FOXP1: variants seen among roughly 807,000 people sequenced by gnomAD.
FOXP1 encodes forkhead box protein P1.
Under a neutral mutation model 98.2 loss-of-function variants are expected in FOXP1, and 15 were observed. The observed-to-expected ratio is 0.15, with a 90% confidence interval of 0.10 to 0.24. The LOEUF is 0.24. Among genes scored for constraint, FOXP1 ranks in the 10% least tolerant of loss-of-function variants. The pLI is 1.00. For missense variants in FOXP1, 633 were observed against 848.5 expected (o/e 0.75, Z 3.15); for synonymous variants, 371 against 314.5 (o/e 1.18, Z -1.90).
chr3:71,582,052 C>G (rs1325616009), intron 1 of FOXP1: 1 of 980,370 alleles, frequency 1.0e-6, no homozygotes, highest in African/African-American at 1.8e-5. Context: ...TCCTTATTCT[C>G]ACAGGGGGCG....
intron 5 of FOXP1, among the ~76,000 whole-genome samples, chr3:71,285,488 G>A (rs551652358): frequency 6.9e-4 from 105 of 152,250 alleles, no homozygotes; most frequent in African/African-American, 2.5e-3. Flanking sequence ...AAGGAAGAGA[G>A]TAAAGAGAAG....
chr3:70,978,171 C>T (rs1302388778), intron 14 of FOXP1, 142 bp from the exon 15 acceptor site: 1 of 718,914 alleles, frequency 1.4e-6, no homozygotes, highest in African/African-American at 1.7e-5. Context: ...TGAACCGAAA[C>T]ACACGGTGAG....
chr3:71,075,939 C>T (rs535707080), intron 7 of FOXP1, among the ~76,000 whole-genome samples: 3 of 151,968 alleles, frequency 2.0e-5, no homozygotes, highest in Non-Finnish European at 4.4e-5. Context: ...AGGCTGCTCT[C>T]GAACTCCTGG....
At chr3:71,034,026 C>T (rs2047238225) in intron 11 of FOXP1, among the ~76,000 whole-genome samples, 1 of 152,132 alleles carries the variant, frequency 6.6e-6, no homozygotes, top group Admixed American at 6.5e-5. Context: ...CAGTTAGCCA[C>T]ACCTGGTCCT....
At chr3:71,544,038 CACATATATGTGTGTATACACAT>C (rs1490407376) in intron 2 of FOXP1, among the ~76,000 whole-genome samples, 1 of 150,648 alleles carries the variant, frequency 6.6e-6, no homozygotes, top group African/African-American at 2.5e-5. Flanking sequence ...CACATATACA[CACATATATGTGTGTATACACAT>C]ACATATACAC....
intron 11 of FOXP1, among the ~76,000 whole-genome samples, chr3:71,021,223 C>A (rs1219767753): frequency 1.3e-5 from 2 of 152,212 alleles, no homozygotes; most frequent in African/African-American, 4.8e-5. Flanking sequence ...CCAGCCCTTG[C>A]CAATCCCTAA....
At chr3:71,177,466 A>C (rs763183649) in intron 6 of FOXP1, among the ~76,000 whole-genome samples, 3 of 152,202 alleles carry the variant, frequency 2.0e-5, no homozygotes, top group African/African-American at 4.8e-5. Flanking sequence ...AGAGCAGGCA[A>C]AATGGGAGAA....
chr3:71,412,330 G>T (rs1480674100), intron 3 of FOXP1, among the ~76,000 whole-genome samples: 1 of 152,132 alleles, frequency 6.6e-6, no homozygotes, highest in African/African-American at 2.4e-5. Flanking sequence ...AGACATAATG[G>T]GGTTTATAGG....
At chr3:71,206,183 C>A (rs555049606) in intron 5 of FOXP1, among the ~76,000 whole-genome samples, 1 of 152,248 alleles carries the variant, frequency 6.6e-6, no homozygotes, top group East Asian at 1.9e-4. Flanking sequence ...CACAAAATTC[C>A]AAGGCCAACC....
At chr3:71,106,233 G>C (rs2057412367) in intron 7 of FOXP1, among the ~76,000 whole-genome samples, 1 of 152,166 alleles carries the variant, frequency 6.6e-6, no homozygotes, top group Non-Finnish European at 1.5e-5. Flanking sequence ...TGCATGTGGT[G>C]GCAAAGACAT....
rs529171154 is a variant in FOXP1, at chr3:71,541,773, G to C, written c.-298+39776C>G. On this transcript the variant is annotated intron_variant, in intron 2 of 20. Transcript: ENST00000649528. ...AAAGTTGAAACAGACCAATGCATTA[G>C]AAAGTCCATACTGTACTGCAGAGAT... 9.2e-5 allele frequency among the ~76,000 whole-genome samples: 14 copies of C among 152,198 alleles called. No homozygotes were observed. The South Asian group carries it at 1.5e-3, about 16-fold the overall frequency.
At chr3:71,454,670 TAGA>T (rs1019850533) in intron 3 of FOXP1, among the ~76,000 whole-genome samples, 64 of 152,240 alleles carry the variant, frequency 4.2e-4, no homozygotes, top group African/African-American at 1.5e-3. Context: ...GACTGTGCTC[TAGA>T]AGAACTATGA....
intron 6 of FOXP1, among the ~76,000 whole-genome samples, chr3:71,168,218 T>C (rs12330648): frequency 0.32 from 48,949 of 151,914 alleles, 8,613 homozygotes; most frequent in East Asian, 0.71. Context: ...TGTAACCACA[T>C]ACAGTTTATT....
At chr3:71,410,394 T>C (rs2082644858) in intron 3 of FOXP1, among the ~76,000 whole-genome samples, 2 of 152,222 alleles carry the variant, frequency 1.3e-5, no homozygotes, top group Admixed American at 1.3e-4. Context: ...AAATTTCAGG[T>C]GGATTATTAT....
intron 2 of FOXP1, among the ~76,000 whole-genome samples, chr3:71,521,710 T>G (rs1012619065): frequency 6.6e-6 from 1 of 152,186 alleles, no homozygotes; most frequent in East Asian, 1.9e-4. Flanking sequence ...AGATTAAGCA[T>G]TTGTTAATTT....
chr3:71,048,055 C>T (rs1294304575), intron 9 of FOXP1, among the ~76,000 whole-genome samples: 2 of 152,006 alleles, frequency 1.3e-5, no homozygotes, highest in African/African-American at 4.8e-5. Flanking sequence ...CCTTAATCTG[C>T]TAGCAATCGT....
At chr3:71,064,398 G>A (rs2052049747) in intron 7 of FOXP1, among the ~76,000 whole-genome samples, 1 of 152,062 alleles carries the variant, frequency 6.6e-6, no homozygotes. Context: ...TGATGGCGAG[G>A]GCTTCACCAA....
chr3:70,984,430 G>A (rs563094346), intron 14 of FOXP1, among the ~76,000 whole-genome samples: 16 of 152,166 alleles, frequency 1.1e-4, no homozygotes, highest in Non-Finnish European at 1.9e-4. Context: ...TACCATTCTG[G>A]GTCAGCTGTT....
Position 71,198,221 on chromosome 3 carries a change from G to A in FOXP1, c.161C>T (p.Ala54Val), listed in dbSNP as rs1363644889. 12 of 1,614,062 alleles carry A rather than the reference G, an allele frequency of 7.4e-6. No individual in the cohort carries two copies. The highest frequency in any genetic ancestry group is 1.7e-5 in the Admixed American group (1 of 60,030). ...CAGTACCTGTTGCTGCTGCTGCTGG[G>A]CGTGGGCGAGGTCAGCTGCCCCGAT... ...VDIGAADLAH[A>V]QQQQQQALQV... is the part of the protein sequence containing the mutation. Residue 54 changes from alanine (A) to valine (V), a missense_variant, in exon 6 of 21, where the codon GCC (alanine) becomes GTC (valine). This residue lies in a region of FOXP1 where 103 missense variants were observed against 85.5 expected (regional missense o/e 1.20). Transcript: ENST00000649528.
Sources: allele counts gnomAD v4.1 joint callset (sites outside exome capture counted in the v4.1 genomes callset), GRCh38; gene constraint gnomAD v4.1.1; regional missense constraint gnomAD v4.1.1; transcripts MANE v1.5; gene names NCBI Gene and HGNC (gene_info 2026-07-23, HGNC 2026-07-21).